SLC44A5: variants seen among roughly 807,000 people sequenced by gnomAD.
The protein encoded by SLC44A5 is choline transporter-like protein 5.
In SLC44A5, 57 loss-of-function variants were observed where a neutral mutation model predicts 101.8. That is an observed-to-expected ratio of 0.56 (90% confidence interval 0.45 to 0.70). The LOEUF (loss-of-function observed/expected upper bound fraction) is 0.70. Ranked by LOEUF, SLC44A5 falls within the 30% of genes least tolerant of loss-of-function variation. SLC44A5 has a pLI of 0.00. For missense variants in SLC44A5, 737 were observed against 853.1 expected (o/e 0.86, Z 1.70); for synonymous variants, 281 against 290.9 (o/e 0.97, Z 0.35).
the SLC44A5 span, among the ~76,000 whole-genome samples, chr1:75,683,578 G>T: frequency 6.6e-6 from 1 of 152,136 alleles, no homozygotes; most frequent in Non-Finnish European, 1.5e-5. Flanking sequence ...GAAACAGGAA[G>T]GGGAACATCA....
chr1:75,580,614 G>A (rs775083192), intron 1 of SLC44A5, among the ~76,000 whole-genome samples: 11 of 152,082 alleles, frequency 7.2e-5, no homozygotes, highest in Non-Finnish European at 1.5e-4. Flanking sequence ...TGAGGAGGGT[G>A]GATCACTTGA....
At chr1:75,232,348 C>G (rs187488295) in intron 12 of SLC44A5, among the ~76,000 whole-genome samples, 2 of 152,084 alleles carry the variant, frequency 1.3e-5, no homozygotes, top group Non-Finnish European at 2.9e-5. Context: ...GATGACAATG[C>G]AAGAGTGATT....
chr1:75,246,147 A>G (rs1467726958), intron 7 of SLC44A5, among the ~76,000 whole-genome samples: 1 of 152,116 alleles, frequency 6.6e-6, no homozygotes, highest in Non-Finnish European at 1.5e-5. Context: ...CTGTATTACC[A>G]TTTCTATCTT....
chr1:75,557,231 C>T (rs1422298651), intron 1 of SLC44A5, among the ~76,000 whole-genome samples: 1 of 152,132 alleles, frequency 6.6e-6, no homozygotes, highest in East Asian at 1.9e-4. Flanking sequence ...TCCATAAATT[C>T]TCCCCAAAGC....
At chr1:75,620,662 C>A in the SLC44A5 span, among the ~76,000 whole-genome samples, 1 of 152,126 alleles carries the variant, frequency 6.6e-6, no homozygotes, top group African/African-American at 2.4e-5. Flanking sequence ...CCTTTGCCCA[C>A]TTTTTGATAG....
chr1:75,274,412 C>T (rs189802964), intron 6 of SLC44A5, among the ~76,000 whole-genome samples: 9 of 152,154 alleles, frequency 5.9e-5, no homozygotes, highest in Admixed American at 5.9e-4. Flanking sequence ...GTTATGATTA[C>T]CATTAGAAAG....
intron 23 of SLC44A5, 46 bp downstream of exon 23, chr1:75,211,422 T>C: frequency 1.4e-6 from 2 of 1,476,292 alleles, no homozygotes; most frequent in Non-Finnish European, 1.9e-6. Flanking sequence ...CATCTCACCT[T>C]TCAGTTATCC....
chr1:75,264,404 G>A (rs1170531959), intron 6 of SLC44A5, among the ~76,000 whole-genome samples: 2 of 152,138 alleles, frequency 1.3e-5, no homozygotes, highest in African/African-American at 4.8e-5. Context: ...GCCACTCAAG[G>A]ACAACTTGTG....
chr1:75,417,510 T>C (rs143945140), intron 2 of SLC44A5, among the ~76,000 whole-genome samples: 11 of 152,368 alleles, frequency 7.2e-5, no homozygotes, highest in African/African-American at 2.6e-4. Flanking sequence ...TTTATGTTTA[T>C]GGACTAAATA....
At chr1:75,206,177 A>G in intron 23 of SLC44A5, 1 of 161,044 alleles carries the variant, frequency 6.2e-6, no homozygotes, top group Admixed American at 6.0e-5. Flanking sequence ...ATAGCACCAT[A>G]TTTACAAATT....
the SLC44A5 span, among the ~76,000 whole-genome samples, chr1:75,654,171 C>T: frequency 1.3e-5 from 2 of 152,164 alleles, no homozygotes; most frequent in African/African-American, 4.8e-5. Context: ...ACTTTCTCCA[C>T]ATGAGGAATA....
At chr1:75,668,020 T>C in the SLC44A5 span, among the ~76,000 whole-genome samples, 1 of 152,336 alleles carries the variant, frequency 6.6e-6, no homozygotes, top group South Asian at 2.1e-4. Context: ...GTCTCTTATT[T>C]TATATAACTA....
intron 2 of SLC44A5, among the ~76,000 whole-genome samples, chr1:75,481,859 G>T (rs1481739040): frequency 1.3e-5 from 2 of 152,180 alleles, no homozygotes; most frequent in Non-Finnish European, 2.9e-5. Context: ...ATTCCTCAGG[G>T]ATCTAGAACT....
chr1:75,667,267 C>T, the SLC44A5 span, among the ~76,000 whole-genome samples: 14 of 152,176 alleles, frequency 9.2e-5, no homozygotes, highest in Admixed American at 5.2e-4. Flanking sequence ...GAAAATCACA[C>T]GCATTCCTAT....
intron 1 of SLC44A5, among the ~76,000 whole-genome samples, chr1:75,581,902 G>T (rs192506183): frequency 6.6e-6 from 1 of 152,220 alleles, no homozygotes; most frequent in Non-Finnish European, 1.5e-5. Flanking sequence ...CTGAGTCCTC[G>T]CCAAAAACAG....
intron 6 of SLC44A5, among the ~76,000 whole-genome samples, chr1:75,261,945 C>G (rs539642928): frequency 1.1e-4 from 16 of 152,166 alleles, no homozygotes; most frequent in African/African-American, 1.7e-4. Context: ...ATTCAACAGC[C>G]CTTCATGCTA....
At chr1:75,466,167 G>A (rs1666802664) in intron 2 of SLC44A5, among the ~76,000 whole-genome samples, 1 of 152,076 alleles carries the variant, frequency 6.6e-6, no homozygotes, top group Non-Finnish European at 1.5e-5. Flanking sequence ...ACATTTAAAA[G>A]GCCATTTGTC....
At chr1:75,377,325 C>A (rs1286309754) in intron 3 of SLC44A5, among the ~76,000 whole-genome samples, 13 of 86,442 alleles carry the variant, frequency 1.5e-4, no homozygotes, top group African/African-American at 6.2e-4. Flanking sequence ...GCAGCATGCT[C>A]CTTAAGAGTC....
intron 1 of SLC44A5, among the ~76,000 whole-genome samples, chr1:75,553,229 A>G (rs1570597883): frequency 6.6e-6 from 1 of 152,158 alleles, no homozygotes; most frequent in Non-Finnish European, 1.5e-5. Context: ...AGTATTATTG[A>G]CTACCTATTG....
Sources: gnomAD v4.1 joint callset for allele counts (sites outside exome capture counted in the v4.1 genomes callset) on GRCh38, gnomAD v4.1.1 for gene constraint, MANE v1.5 for transcripts, NCBI Gene and HGNC (gene_info 2026-07-23, HGNC 2026-07-21) for gene names.